Variants in NBAS observed in about 807,000 individuals in gnomAD.
NBAS encodes the protein NAG/BC035112 fusion.
A neutral mutation model predicts 302.5 loss-of-function variants in NBAS; 219 were observed. That is an observed-to-expected ratio of 0.72 (90% CI 0.65 to 0.81). The LOEUF (loss-of-function observed/expected upper bound fraction) is 0.81, where lower values mean the gene tolerates loss of function less well. Ranked by LOEUF, NBAS falls within the 30% of genes least tolerant of loss-of-function variation. NBAS has a pLI of 0.00. For missense variants in NBAS, 2,932 were observed against 2,841.6 expected (o/e 1.03, Z -0.72); for synonymous variants, 1,118 against 1,021.6 (o/e 1.09, Z -1.80).
chr2:15,135,060 G>C, the NBAS span, among the ~76,000 whole-genome samples: 1 of 152,182 alleles, frequency 6.6e-6, no homozygotes, highest in African/African-American at 2.4e-5. Context: ...CTTGTATGGA[G>C]AATTAAGCTC....
At chr2:15,141,887 T>C in the NBAS span, among the ~76,000 whole-genome samples, 1 of 152,146 alleles carries the variant, frequency 6.6e-6, no homozygotes, top group Non-Finnish European at 1.5e-5. Flanking sequence ...GCAGATGTTA[T>C]TATGTCTGTA....
At chr2:15,044,263 T>C in the NBAS span, among the ~76,000 whole-genome samples, 1 of 152,206 alleles carries the variant, frequency 6.6e-6, no homozygotes, top group Non-Finnish European at 1.5e-5. Context: ...GATTTGCAGG[T>C]AAGTAGCAGG....
downstream of NBAS, among the ~76,000 whole-genome samples, chr2:15,164,362 T>G (rs1663965603): frequency 6.6e-6 from 1 of 152,252 alleles, no homozygotes; most frequent in African/African-American, 2.4e-5. Flanking sequence ...AAGGGTTACA[T>G]ACCTGGGTTT....
the NBAS span, among the ~76,000 whole-genome samples, chr2:14,880,010 G>C: frequency 4.6e-5 from 7 of 152,200 alleles, no homozygotes; most frequent in African/African-American, 1.7e-4. Flanking sequence ...AAAAACACCA[G>C]TTCTGGAGCA....
chr2:15,092,393 T>C, the NBAS span, among the ~76,000 whole-genome samples: 1,936 of 152,276 alleles, frequency 0.013, 32 homozygotes, highest in African/African-American at 0.039. Context: ...TATGTTCTAA[T>C]TAATTAGGTA....
chr2:15,033,971 G>A, the NBAS span, among the ~76,000 whole-genome samples: 1 of 121,888 alleles, frequency 8.2e-6, no homozygotes, highest in Non-Finnish European at 1.7e-5. Context: ...AGAAGAGGAA[G>A]AAAAGAGGAA....
chr2:15,510,147 C>G (rs1215837192), intron 10 of NBAS, among the ~76,000 whole-genome samples: 2 of 152,238 alleles, frequency 1.3e-5, no homozygotes, highest in African/African-American at 4.8e-5. Flanking sequence ...CACGCCCGGC[C>G]CAAGTGCTCA....
chr2:15,400,844 T>C (rs948434771), intron 26 of NBAS, among the ~76,000 whole-genome samples: 6 of 152,182 alleles, frequency 3.9e-5, no homozygotes, highest in Non-Finnish European at 1.5e-5. Flanking sequence ...AAAAGACCAG[T>C]TAATGCATAG....
At chr2:15,138,515 C>A in the NBAS span, among the ~76,000 whole-genome samples, 9 of 152,128 alleles carry the variant, frequency 5.9e-5, no homozygotes, top group Non-Finnish European at 1.3e-4. Context: ...TGTCCACATA[C>A]AATCCTTTTA....
chr2:15,437,002 C>T (rs563757077), intron 21 of NBAS, among the ~76,000 whole-genome samples: 9 of 152,098 alleles, frequency 5.9e-5, no homozygotes, highest in African/African-American at 1.4e-4. Context: ...TAAGGGTATA[C>T]GCAATGCTTT....
At chr2:14,957,278 C>CGTGTGTGTGTGTGTGTGTGTGT in the NBAS span, among the ~76,000 whole-genome samples, 10 of 147,484 alleles carry the variant, frequency 6.8e-5, no homozygotes, top group African/African-American at 2.5e-4. Context: ...TATACATATA[C>CGTGTGTGTGTGTGTGTGTGTGT]GTGTGTGTGT....
chr2:14,880,989 C>G, the NBAS span, among the ~76,000 whole-genome samples: 1 of 151,300 alleles, frequency 6.6e-6, no homozygotes, highest in East Asian at 1.9e-4. Context: ...CATCAGACTT[C>G]TCAATAACAG....
At chr2:14,986,546 A>G in the NBAS span, among the ~76,000 whole-genome samples, 270 of 152,216 alleles carry the variant, frequency 1.8e-3, no homozygotes, top group Middle Eastern at 6.8e-3. Flanking sequence ...TTTTAAAGAA[A>G]CCTAACTGAA....
the NBAS span, among the ~76,000 whole-genome samples, chr2:15,119,482 A>C: frequency 3.3e-5 from 5 of 151,872 alleles, no homozygotes; most frequent in Admixed American, 3.3e-4. Context: ...CTGGGACTAC[A>C]GGCGCCTGCC....
intron 16 of NBAS, 44 bp downstream of exon 16, chr2:15,473,178 C>CATATAAA (rs1273467015): frequency 6.2e-7 from 1 of 1,601,340 alleles, no homozygotes; most frequent in Non-Finnish European, 8.5e-7. Context: ...AAAGATATTA[C>CATATAAA]ATGAATATAC....
intron 38 of NBAS, among the ~76,000 whole-genome samples, chr2:15,321,845 A>T (rs1465093627): frequency 1.3e-5 from 2 of 152,160 alleles, no homozygotes; most frequent in Non-Finnish European, 2.9e-5. Flanking sequence ...TTCCTCAAGG[A>T]TCTAGAACTA....
chr2:15,040,452 C>T, the NBAS span, among the ~76,000 whole-genome samples: 4 of 152,272 alleles, frequency 2.6e-5, no homozygotes, highest in Non-Finnish European at 2.9e-5. Flanking sequence ...TGCCCAGGCA[C>T]GACCACCTTG....
chr2:14,835,473 T>TA, the NBAS span, among the ~76,000 whole-genome samples: 1 of 151,702 alleles, frequency 6.6e-6, no homozygotes, highest in Non-Finnish European at 1.5e-5. Context: ...CCCTTCCTCC[T>TA]AAAAAAAACT....
At chr2:14,847,382 T>TAAAA in the NBAS span, among the ~76,000 whole-genome samples, 53 of 53,166 alleles carry the variant, frequency 1.0e-3, no homozygotes, top group African/African-American at 1.2e-3. Flanking sequence ...GACTCTATCT[T>TAAAA]AAAAAAAAAA....
Sources: allele counts gnomAD v4.1 joint callset (sites outside exome capture counted in the v4.1 genomes callset), GRCh38; gene constraint gnomAD v4.1.1; transcripts MANE v1.5; gene names NCBI Gene and HGNC (gene_info 2026-07-23, HGNC 2026-07-21).